Variants in RAD50 observed in about 807,000 individuals in gnomAD.
RAD50 encodes RAD50 double strand break repair protein.
Under a neutral mutation model 168.8 loss-of-function variants are expected in RAD50, and 132 were observed. The observed-to-expected ratio is 0.78, with a 90% confidence interval of 0.68 to 0.90. The LOEUF is 0.90. Among genes scored for constraint, RAD50 ranks in the 40% least tolerant of loss-of-function variants. RAD50 has a pLI of 0.00. For missense variants in RAD50, 1,347 were observed against 1,534.4 expected (o/e 0.88, Z 2.04); for synonymous variants, 525 against 497.4 (o/e 1.06, Z -0.74).
chr5:132,575,710 T>G, intron 2 of RAD50, 67 bp from the exon 3 acceptor site: 2 of 1,480,144 alleles, frequency 1.4e-6, no homozygotes, highest in Non-Finnish European at 1.9e-6. Flanking sequence ...TGCTTATGCC[T>G]TTTTCTCAGA....
chr5:132,568,007 G>A (rs568631394), intron 2 of RAD50, among the ~76,000 whole-genome samples: 4 of 152,234 alleles, frequency 2.6e-5, no homozygotes, highest in Admixed American at 2.0e-4. Flanking sequence ...GGAAAAGTGA[G>A]TAGAAGCAGA....
chr5:132,629,410 A>G (rs917809350), intron 21 of RAD50, among the ~76,000 whole-genome samples: 1 of 152,188 alleles, frequency 6.6e-6, no homozygotes, highest in Non-Finnish European at 1.5e-5. Context: ...GCTGAGCAGA[A>G]TGAGGACCTA....
intron 24 of RAD50, 145 bp downstream of exon 24, chr5:132,640,950 C>T (rs1221323389): frequency 7.2e-6 from 10 of 1,398,402 alleles, no homozygotes; most frequent in Non-Finnish European, 1.0e-5. Flanking sequence ...CAGTTGGTGC[C>T]AGGCCCTGGG....
chr5:132,592,294 A>G (rs1024885091), intron 11 of RAD50, among the ~76,000 whole-genome samples: 4 of 152,224 alleles, frequency 2.6e-5, no homozygotes, highest in Non-Finnish European at 5.9e-5. Context: ...GTTCAGTCCT[A>G]AAGAACTGAG....
rs1203019379 is a variant in RAD50, at chr5:132,569,615, ACT to A, written c.214-6161_214-6160del. Among the ~76,000 whole-genome samples the A allele has an allele frequency of 2.6e-5, 4 of 152,358 alleles. No individual in the cohort carries two copies. In the East Asian group the frequency reaches 7.7e-4, roughly 29 times the overall value. ...TAAGTATATGGAAAATTTTAACAAC[ACT>A]GTTAACCAAATCAACCTGATTGACA... is the stretch of plus-strand genomic sequence containing the variant. On this transcript the variant is annotated intron_variant, in intron 2 of 24. Transcript: ENST00000378823.
intron 21 of RAD50, among the ~76,000 whole-genome samples, chr5:132,633,685 C>G (rs1751518469): frequency 6.6e-6 from 1 of 151,950 alleles, no homozygotes; most frequent in Non-Finnish European, 1.5e-5. Context: ...AGTTGATCCT[C>G]TCACCTCAGC....
chr5:132,642,133 G>A, intron 24 of RAD50, 45 bp from the exon 25 acceptor site: 1 of 1,578,404 alleles, frequency 6.3e-7, no homozygotes. Flanking sequence ...TCAAAGAAGG[G>A]GTTATGCTCT....
rs745963633 is a variant in RAD50 at position 132,642,397 on chromosome 5, A to G, written c.*33A>G. On this transcript the variant is annotated 3_prime_UTR_variant, in exon 25 of 25. Transcript: ENST00000378823. ...CAAGATTTAAATGCCATAGAAATGTAGGTCCTCAGAAAGTGTATAATAAGA... is the reference window on the plus strand; with the variant it reads ...CAAGATTTAAATGCCATAGAAATGTGGGTCCTCAGAAAGTGTATAATAAGA... 1.9e-6 allele frequency: 3 copies of G among 1,569,988 alleles called. No individual in the cohort carries two copies. Among genetic ancestry groups the G allele is most frequent in the East Asian group, 2.2e-5 (1 of 44,600 alleles).
chr5:132,561,159 C>G (rs892034970), intron 2 of RAD50, among the ~76,000 whole-genome samples: 29 of 152,038 alleles, frequency 1.9e-4, no homozygotes, highest in African/African-American at 7.0e-4. Context: ...TTCTCACTGG[C>G]TATACTTTAG....
rs867286590 is a variant in RAD50, at chr5:132,575,752, G to C, written c.214-25G>C. 8.9e-6 allele frequency: 14 copies of C among 1,567,670 alleles called. No homozygotes were observed. In the Middle Eastern group the frequency reaches 5.0e-4, roughly 56 times the overall value. ...ACTGGTGCTTATTAAAGTAACATAAGTTTTTTCTGTGTTTTCCTTCAAAGG... is the reference window on the plus strand; with the variant it reads ...ACTGGTGCTTATTAAAGTAACATAACTTTTTTCTGTGTTTTCCTTCAAAGG... On this transcript the variant is annotated intron_variant, in intron 2 of 24. Transcript: ENST00000378823.
intron 3 of RAD50, among the ~76,000 whole-genome samples, chr5:132,578,588 A>G (rs1750443790): frequency 7.4e-6 from 1 of 135,164 alleles, no homozygotes; most frequent in African/African-American, 3.0e-5. Context: ...CTGGAGTGCA[A>G]TGATGCAATC....
chr5:132,619,836 C>CTACTCCTCTCTCTCTCTCTATA, intron 21 of RAD50, among the ~76,000 whole-genome samples: 1 of 114,416 alleles, frequency 8.7e-6, no homozygotes, highest in African/African-American at 3.9e-5. Context: ...CTCTCTCTCT[C>CTACTCCTCTCTCTCTCTCTATA]TATATATATA....
chr5:132,615,464 A>G (rs752653837), intron 19 of RAD50, among the ~76,000 whole-genome samples: 11 of 152,162 alleles, frequency 7.2e-5, no homozygotes, highest in East Asian at 1.9e-4. Context: ...AACAGGTTCT[A>G]ATGGTCTTGG....
intron 6 of RAD50, 25 bp from the exon 7 acceptor site, chr5:132,587,899 A>G: frequency 6.2e-7 from 1 of 1,608,588 alleles, no homozygotes. Flanking sequence ...TGTACATTAA[A>G]GCTTTTTATT....
chr5:132,619,389 A>G (rs1354807165), intron 21 of RAD50, among the ~76,000 whole-genome samples: 1 of 151,738 alleles, frequency 6.6e-6, no homozygotes, highest in Non-Finnish European at 1.5e-5. Flanking sequence ...TTGTTTATAC[A>G]TTATTAGTCT....
Position 132,611,446 on chromosome 5 carries a change from C to G in RAD50, c.3036+2050C>G, listed in dbSNP as rs149000739. On this transcript the variant is annotated intron_variant, in intron 19 of 24. Transcript: ENST00000378823. The stretch of plus-strand genomic sequence containing the variant: ...AACAGCCAGGCGTGGTGGCTCACGC[C>G]TGTAATCCCAGCACTTTGGGAGGCC... Among the ~76,000 whole-genome samples, 332 of 151,894 alleles carry G rather than the reference C, an allele frequency of 2.2e-3. 9 individuals are homozygous for G. The East Asian group carries it at 0.05, about 23-fold the overall frequency.
Position 132,622,166 on chromosome 5 carries a change from A to AT in RAD50, c.3389+3884dup, listed in dbSNP as rs151253392. Among the ~76,000 whole-genome samples, 360 of 145,910 alleles carry AT rather than the reference A, an allele frequency of 2.5e-3. 3 individuals are homozygous for AT. Among genetic ancestry groups the AT allele is most frequent in the African/African-American group, 7.3e-3 (292 of 40,000 alleles). Reference sequence around the variant, plus strand: ...CAGAAACTCACATGGTTTTTTTATAATTTTTTTTTTTTAAAACAGAGTCTG... The same window carrying AT: ...CAGAAACTCACATGGTTTTTTTATAATTTTTTTTTTTTTAAAACAGAGTCTG... On this transcript the variant is annotated intron_variant, in intron 21 of 24. Coordinates refer to ENST00000378823, the MANE Select transcript of RAD50 (RefSeq NM_005732.4).
At chr5:132,606,369 A>C (rs1750985617) in intron 16 of RAD50, among the ~76,000 whole-genome samples, 1 of 152,074 alleles carries the variant, frequency 6.6e-6, no homozygotes, top group Non-Finnish European at 1.5e-5. Context: ...ACTAGAAAAT[A>C]ATAAATGGAT....
intron 7 of RAD50, 44 bp downstream of exon 7, chr5:132,588,133 T>TA: frequency 6.4e-7 from 1 of 1,564,478 alleles, no homozygotes; most frequent in Non-Finnish European, 8.8e-7. Flanking sequence ...ACTATGATGT[T>TA]ATACATTTTC....
Sources: allele counts gnomAD v4.1 joint callset (sites outside exome capture counted in the v4.1 genomes callset), GRCh38; gene constraint gnomAD v4.1.1; transcripts MANE v1.5; gene names NCBI Gene and HGNC (gene_info 2026-07-23, HGNC 2026-07-21).